ST8SIA5: variants seen among roughly 807,000 people sequenced by gnomAD.
ST8SIA5 encodes the protein ST8 alpha-N-acetyl-neuraminide alpha-2,8-sialyltransferase 5.
In ST8SIA5, 24 loss-of-function variants were observed where a neutral mutation model predicts 40.2. The observed-to-expected ratio is 0.60, with a 90% CI of 0.43 to 0.84. The LOEUF is 0.84. ST8SIA5 is among the 40% of genes least tolerant of loss of function. ST8SIA5 has a pLI of 0.00. For missense variants in ST8SIA5, 465 were observed against 498.5 expected (o/e 0.93, Z 0.64); for synonymous variants, 198 against 201.8 (o/e 0.98, Z 0.16).
intron 1 of ST8SIA5, among the ~76,000 whole-genome samples, chr18:46,723,830 G>A (rs1048822862): frequency 3.9e-5 from 6 of 152,126 alleles, no homozygotes; most frequent in Non-Finnish European, 7.4e-5. Flanking sequence ...GAAGGCTGAG[G>A]CATGAGAATC....
intron 1 of ST8SIA5, among the ~76,000 whole-genome samples, chr18:46,712,176 G>A (rs1225764144): frequency 1.3e-5 from 2 of 152,142 alleles, no homozygotes; most frequent in Non-Finnish European, 2.9e-5. Flanking sequence ...GCCAGACTAG[G>A]GAGCCCTGAA....
Position 46,673,797 on chromosome 18 carries a change from C to G in ST8SIA5, c.*6245G>C, listed in dbSNP as rs1371015725. The stretch of plus-strand genomic sequence containing the variant: ...AGGATGCCCCGTAGGATGGAATCAG[C>G]CTCCACAGACTGGCCTCGTTTGACT... On this transcript the variant is annotated 3_prime_UTR_variant, in exon 7 of 7. Transcript: ENST00000315087. The G allele has an allele frequency of 4.6e-5, 7 of 152,130 alleles. No individual in the cohort carries two copies. The highest frequency in any genetic ancestry group is 4.6e-4 in the Admixed American group (7 of 15,274). 9.4% of individuals were successfully genotyped at this position (152,130 alleles called of 1,614,324 possible).
At position 46,692,106 on chromosome 18, in the gene ST8SIA5, C is replaced by T. The variant is rs2039511647; in HGVS notation, c.311+63G>A. 1.9e-6 allele frequency: 3 copies of T among 1,549,028 alleles called. No individual in the cohort carries two copies. In the African/African-American group the frequency reaches 4.1e-5, roughly 21 times the overall value. On this transcript the variant is annotated intron_variant, in intron 3 of 6. Coordinates refer to ENST00000315087, the MANE Select transcript of ST8SIA5 (RefSeq NM_013305.6). Reference sequence around the variant, plus strand: ...CTGGGCCTTGCAGGACAATGGAGACCAGAAGAGGTGGCAGTGAGGAGAATC... The same window carrying T: ...CTGGGCCTTGCAGGACAATGGAGACTAGAAGAGGTGGCAGTGAGGAGAATC...
intron 2 of ST8SIA5, among the ~76,000 whole-genome samples, chr18:46,702,466 C>T (rs980172578): frequency 2.0e-5 from 3 of 152,216 alleles, no homozygotes; most frequent in African/African-American, 7.2e-5. Flanking sequence ...CATGAAGCCC[C>T]ACATGGTCTG....
At chr18:46,749,729 A>G (rs2144572263) in intron 1 of ST8SIA5, among the ~76,000 whole-genome samples, 1 of 152,338 alleles carries the variant, frequency 6.6e-6, no homozygotes, top group Non-Finnish European at 1.5e-5. Context: ...GTTAAAAACT[A>G]TATAGCTAGA....
At chr18:46,716,321 C>A (rs1433004105) in intron 1 of ST8SIA5, among the ~76,000 whole-genome samples, 2 of 152,192 alleles carry the variant, frequency 1.3e-5, no homozygotes, top group Non-Finnish European at 2.9e-5. Context: ...ACTTGGCTCG[C>A]TCTTCAGCCA....
chr18:46,698,736 C>T lies in ST8SIA5; in HGVS notation c.224+5836G>A, dbSNP rs571449697. ...AGGTTCTAAGCAAAGGTGAATCCAA[C>T]CTCAGAAGGCAGAGAAAAGAAGCCC... On this transcript the variant is annotated intron_variant, in intron 2 of 6. Transcript: ENST00000315087. 8.9e-4 allele frequency among the ~76,000 whole-genome samples: 136 copies of T among 152,308 alleles called. 1 individual carries two copies. The highest frequency in any genetic ancestry group is 6.8e-3 in the Middle Eastern group (2 of 294).
At chr18:46,681,871 C>T in intron 6 of ST8SIA5, 101 bp downstream of exon 6, 1 of 1,222,928 alleles carries the variant, frequency 8.2e-7, no homozygotes, top group Non-Finnish European at 1.2e-6. Context: ...CACTCACAGC[C>T]AGCACACCTC....
intron 1 of ST8SIA5, chr18:46,721,456 C>G: frequency 6.5e-7 from 1 of 1,536,120 alleles, no homozygotes; most frequent in Non-Finnish European, 8.7e-7. Flanking sequence ...CTCTGCCAAC[C>G]AAACTGGAGG....
At position 46,753,148 on chromosome 18, in the gene ST8SIA5, C is replaced by T. The variant is rs111368770; in HGVS notation, c.131+3230G>A. ...TTGTATCCATTTCTTCATTGTGTCT[C>T]TTCCTGTTACAATCCCTGCGCGCAC... On this transcript the variant is annotated intron_variant, in intron 1 of 6. Transcript: ENST00000315087. 3.7e-3 allele frequency among the ~76,000 whole-genome samples: 560 copies of T among 152,352 alleles called. 1 individual carries two copies. The highest frequency in any genetic ancestry group is 0.013 in the African/African-American group (538 of 41,582).
At chr18:46,740,594 C>T (rs962246406) in intron 1 of ST8SIA5, among the ~76,000 whole-genome samples, 1 of 151,920 alleles carries the variant, frequency 6.6e-6, no homozygotes, top group African/African-American at 2.4e-5. Context: ...TTAAAAAAAT[C>T]AAAAAGATAA....
intron 1 of ST8SIA5, among the ~76,000 whole-genome samples, chr18:46,707,174 A>G (rs1375921017): frequency 6.6e-6 from 1 of 152,188 alleles, no homozygotes; most frequent in African/African-American, 2.4e-5. Context: ...GCTGGTGTCA[A>G]CTAAGCCCTT....
chr18:46,681,031 G>A (rs1436519191), intron 6 of ST8SIA5, among the ~76,000 whole-genome samples: 1 of 152,196 alleles, frequency 6.6e-6, no homozygotes, highest in East Asian at 1.9e-4. Flanking sequence ...GAGTGCAGTG[G>A]TGCAATCATA....
At position 46,668,894 on chromosome 18, in the gene ST8SIA5, G is replaced by A. The variant is rs2039292042; in HGVS notation, c.*11148C>T. 6.6e-6 allele frequency: 1 copy of A among 152,370 alleles called. No individual in the cohort carries two copies. The highest frequency in any genetic ancestry group is 2.4e-5 in the African/African-American group (1 of 41,474). The allele number at this position is 152,370 out of a possible 1,614,324, so 9.4% of individuals were successfully genotyped here. On this transcript the variant is annotated 3_prime_UTR_variant, in exon 7 of 7. Coordinates refer to ENST00000315087, the MANE Select transcript of ST8SIA5 (RefSeq NM_013305.6). ...TGGGCTCGGGAGTCCGGGGTAGTCT[G>A]GCAGGAGCTGCCACTTGGGACCCCT...
intron 1 of ST8SIA5, among the ~76,000 whole-genome samples, chr18:46,724,746 G>T (rs1349234909): frequency 1.3e-5 from 2 of 152,078 alleles, no homozygotes; most frequent in Non-Finnish European, 2.9e-5. Context: ...AACCGAGGTG[G>T]GTGGATCACT....
At chr18:46,713,927 G>A (rs562529835) in intron 1 of ST8SIA5, among the ~76,000 whole-genome samples, 3 of 152,194 alleles carry the variant, frequency 2.0e-5, no homozygotes, top group Non-Finnish European at 2.9e-5. Flanking sequence ...GTGAGTGTCC[G>A]AAGACCTGGT....
intron 1 of ST8SIA5, among the ~76,000 whole-genome samples, chr18:46,748,799 A>T (rs1568281961): frequency 6.6e-6 from 1 of 152,316 alleles, no homozygotes; most frequent in East Asian, 1.9e-4. Context: ...GCTGGAGAAA[A>T]TGTAAAATGA....
At chr18:46,680,561 G>A (rs778673338) in intron 6 of ST8SIA5, 51 bp from the exon 7 acceptor site, 1 of 1,493,144 alleles carries the variant, frequency 6.7e-7, no homozygotes, top group South Asian at 1.3e-5. Flanking sequence ...GTGCCCTCAG[G>A]CCCCTCGCTT....
chr18:46,749,987 C>T (rs2040181417), intron 1 of ST8SIA5, among the ~76,000 whole-genome samples: 1 of 152,170 alleles, frequency 6.6e-6, no homozygotes, highest in South Asian at 2.1e-4. Flanking sequence ...AGAACCCAAC[C>T]ATGCTATCAC....
Sources: gnomAD v4.1 joint callset for allele counts (sites outside exome capture counted in the v4.1 genomes callset) on GRCh38, gnomAD v4.1.1 for gene constraint, MANE v1.5 for transcripts, NCBI Gene and HGNC (gene_info 2026-07-23, HGNC 2026-07-21) for gene names.